Variants in GALNT13 observed in about 807,000 individuals in gnomAD.
GALNT13 encodes polypeptide N-acetylgalactosaminyltransferase 13, also known as UDP-GalNAc:polypeptide N-acetylgalactosaminyltransferase 13.
Under a neutral mutation model 64.2 loss-of-function variants are expected in GALNT13, and 28 were observed. That is an observed-to-expected ratio of 0.44 (90% CI 0.32 to 0.60). The LOEUF (loss-of-function observed/expected upper bound fraction) is 0.60. Among genes scored for constraint, GALNT13 ranks in the 20% least tolerant of loss-of-function variants. The pLI is 0.05. For synonymous variants in GALNT13, 214 were observed against 224.6 expected, an observed-to-expected ratio of 0.95 and a Z score of 0.42; for missense variants, 577 against 669.8, an observed-to-expected ratio of 0.86 and a Z score of 1.53.
At chr2:153,181,464 G>A in the GALNT13 span, among the ~76,000 whole-genome samples, 1 of 151,568 alleles carries the variant, frequency 6.6e-6, no homozygotes, top group East Asian at 1.9e-4. Context: ...GTGCACTTGA[G>A]AAGAATGTGC....
At chr2:153,383,675 C>T in the GALNT13 span, among the ~76,000 whole-genome samples, 54 of 152,146 alleles carry the variant, frequency 3.5e-4, 1 homozygote, top group East Asian at 0.01. Context: ...ATTGTCTTAA[C>T]ACATATACCC....
At chr2:153,345,681 T>C in the GALNT13 span, among the ~76,000 whole-genome samples, 5 of 144,054 alleles carry the variant, frequency 3.5e-5, no homozygotes, top group Non-Finnish European at 6.1e-5. Context: ...CTTTCTTTCT[T>C]TCTTTCTTTC....
At chr2:153,908,877 CT>C (rs1688755140) in intron 2 of GALNT13, among the ~76,000 whole-genome samples, 1 of 151,972 alleles carries the variant, frequency 6.6e-6, no homozygotes, top group South Asian at 2.1e-4. Flanking sequence ...GATATTTGGG[CT>C]CTTTTTTGGT....
the GALNT13 span, among the ~76,000 whole-genome samples, chr2:153,465,377 G>A: frequency 8.6e-5 from 13 of 151,774 alleles, no homozygotes; most frequent in Admixed American, 8.6e-4. Context: ...TACAGACTTG[G>A]ATTCTGTGTT....
chr2:154,429,241 G>A (rs12053298), intron 11 of GALNT13, among the ~76,000 whole-genome samples: 80,138 of 151,966 alleles, frequency 0.53, 21,676 homozygotes, highest in East Asian at 0.71. Flanking sequence ...GTCAAGAGCC[G>A]ACACAGGCCA....
the GALNT13 span, among the ~76,000 whole-genome samples, chr2:153,787,268 G>A: frequency 2.6e-5 from 4 of 152,064 alleles, no homozygotes; most frequent in African/African-American, 9.7e-5. Context: ...CTGAGCAAAA[G>A]CCTACCAACT....
At chr2:154,314,553 G>A (rs186372872) in intron 9 of GALNT13, among the ~76,000 whole-genome samples, 3 of 152,284 alleles carry the variant, frequency 2.0e-5, no homozygotes, top group African/African-American at 7.2e-5. Flanking sequence ...CATGGCATCA[G>A]AATCTGCCTG....
chr2:153,527,241 T>C, the GALNT13 span, among the ~76,000 whole-genome samples: 3 of 152,016 alleles, frequency 2.0e-5, no homozygotes, highest in Non-Finnish European at 4.4e-5. Context: ...CCTCAACACA[T>C]TTAATAATCA....
the GALNT13 span, among the ~76,000 whole-genome samples, chr2:153,670,839 A>C: frequency 6.6e-6 from 1 of 152,230 alleles, no homozygotes; most frequent in East Asian, 1.9e-4. Flanking sequence ...TAGAATAACC[A>C]GTGCAGAGAA....
the GALNT13 span, among the ~76,000 whole-genome samples, chr2:153,408,595 G>A: frequency 5.9e-5 from 9 of 152,160 alleles, no homozygotes; most frequent in South Asian, 2.1e-4. Flanking sequence ...CGATTGTGCC[G>A]ATTTACTCGC....
chr2:153,332,535 T>TTG, the GALNT13 span, among the ~76,000 whole-genome samples: 3 of 16,008 alleles, frequency 1.9e-4, no homozygotes, highest in Non-Finnish European at 4.9e-4. Context: ...GAGAGTATTG[T>TTG]TTTTTTTTTT....
chr2:153,081,700 A>T, the GALNT13 span, among the ~76,000 whole-genome samples: 4 of 152,138 alleles, frequency 2.6e-5, no homozygotes, highest in African/African-American at 9.7e-5. Flanking sequence ...ACTAGATCTC[A>T]TTCTTTTTTT....
chr2:153,636,320 T>TA, the GALNT13 span, among the ~76,000 whole-genome samples: 1 of 152,090 alleles, frequency 6.6e-6, no homozygotes, highest in African/African-American at 2.4e-5. Flanking sequence ...TACTACATTT[T>TA]AAAAAATTAA....
At chr2:153,778,033 G>A in the GALNT13 span, among the ~76,000 whole-genome samples, 1 of 152,122 alleles carries the variant, frequency 6.6e-6, no homozygotes, top group Non-Finnish European at 1.5e-5. Flanking sequence ...CTTGGAGTTG[G>A]GCCACTTAGC....
chr2:153,866,012 G>A, the GALNT13 span, among the ~76,000 whole-genome samples: 10 of 39,732 alleles, frequency 2.5e-4, no homozygotes, highest in Admixed American at 9.4e-4. Context: ...TCCTTTGTAG[G>A]GACATGGATG....
At chr2:154,193,792 A>G (rs1255806001) in intron 4 of GALNT13, among the ~76,000 whole-genome samples, 1 of 152,178 alleles carries the variant, frequency 6.6e-6, no homozygotes, top group Admixed American at 6.5e-5. Context: ...TCCACCTCTG[A>G]CTATCTATAC....
intron 2 of GALNT13, among the ~76,000 whole-genome samples, chr2:153,905,696 G>T (rs1326734713): frequency 1.3e-5 from 2 of 151,970 alleles, no homozygotes; most frequent in Non-Finnish European, 2.9e-5. Context: ...AAGGACAGAA[G>T]AAGCATTCTT....
At chr2:153,129,254 A>C in the GALNT13 span, among the ~76,000 whole-genome samples, 1 of 152,192 alleles carries the variant, frequency 6.6e-6, no homozygotes, top group South Asian at 2.1e-4. Flanking sequence ...TGAGGAAGAA[A>C]GACTACAAAA....
rs973335458 is a variant in GALNT13 at position 154,042,437 on chromosome 2, A to G, written c.142+97798A>G. On this transcript the variant is annotated intron_variant, in intron 3 of 12. Transcript: ENST00000392825. ...TAGCAGACTTTTACTACAAGGTAAT[A>G]TGTTATGACATTATAATTTGGTTTT... Among the ~76,000 whole-genome samples, 24 of 139,756 alleles carry G rather than the reference A, an allele frequency of 1.7e-4. 4 individuals carry two copies. Among genetic ancestry groups the G allele is most frequent in the African/African-American group, 1.2e-4 (5 of 40,768 alleles). The allele number at this position is 139,756 out of a possible 152,430, so 91.7% of individuals were successfully genotyped here. A position where few individuals can be genotyped will look rare whatever the true frequency, so the allele number is the denominator to read the frequency against.
Sources: gnomAD v4.1 joint callset for allele counts (sites outside exome capture counted in the v4.1 genomes callset) on GRCh38, gnomAD v4.1.1 for gene constraint, MANE v1.5 for transcripts, NCBI Gene and HGNC (gene_info 2026-07-23, HGNC 2026-07-21) for gene names.